The following RPUSD3 variants were observed in gnomAD, a reference collection of about 807,000 sequenced individuals.
RPUSD3 encodes the protein mitochondrial mRNA pseudouridine synthase RPUSD3.
RPUSD3 carries 36 observed loss-of-function variants against 35.1 expected under a neutral mutation model. The ratio of observed to expected loss-of-function variants is 1.02; its 90% CI spans 0.79 to 1.35. The LOEUF is 1.35. Among genes scored for constraint, RPUSD3 ranks in the 40% most tolerant of loss-of-function variants. The probability of loss-of-function intolerance (pLI) is 0.00; values close to 1 mark genes in which losing one functional copy is unlikely to be tolerated. For synonymous variants in RPUSD3, 202 were observed against 187.8 expected, an observed-to-expected ratio of 1.08 and a Z score of -0.62; for missense variants, 486 against 441.9, an observed-to-expected ratio of 1.10 and a Z score of -0.89.
intron 8 of RPUSD3, 124 bp downstream of exon 8, chr3:9,838,908 C>T: frequency 7.4e-7 from 1 of 1,346,230 alleles, no homozygotes; most frequent in Non-Finnish European, 1.0e-6. Context: ...ACGGATACAG[C>T]CTTGGGAGCC....
At chr3:9,838,948 TG>T (rs1262190265) in intron 8 of RPUSD3, 83 bp downstream of exon 8, 2 of 1,595,946 alleles carry the variant, frequency 1.3e-6, no homozygotes, top group African/African-American at 2.7e-5. Context: ...AGTCCCAAGC[TG>T]CACAGATAAG....
intron 4 of RPUSD3, 55 bp downstream of exon 4, chr3:9,841,928 C>G: frequency 1.4e-6 from 2 of 1,433,960 alleles, no homozygotes; most frequent in Non-Finnish European, 1.9e-6. Flanking sequence ...GCAGCTGTTT[C>G]CCCACCACAG....
rs776583535 is a variant in RPUSD3 at position 9,839,095 on chromosome 3, A to G, written c.801T>C (p.Arg267=). The change falls in exon 8 of 9, where the codon CGT becomes CGC. Residue 267 remains arginine (R), a synonymous_variant. Transcript: ENST00000383820. Reference sequence around the variant, plus strand: ...ATCGCTGGCCCAGGACAGTGCCCACACGGGCAGAGTACATGTGGTCCCCAA... The same window carrying G: ...ATCGCTGGCCCAGGACAGTGCCCACGCGGGCAGAGTACATGTGGTCCCCAA... The G allele has an allele frequency of 3.1e-6, 5 of 1,614,208 alleles. No homozygotes were observed. The Admixed American group carries it at 8.3e-5, about 27-fold the overall frequency.
chr3:9,843,149 C>T (rs984568209), intron 2 of RPUSD3: 4 of 342,788 alleles, frequency 1.2e-5, no homozygotes, highest in Non-Finnish European at 1.6e-5. Context: ...GCGTCAGCAC[C>T]CTAAAGTGCC....
rs753474161 is a variant in RPUSD3, at chr3:9,837,970, C to T, written c.*46G>A. 2.0e-6 allele frequency: 3 copies of T among 1,507,264 alleles called. No homozygotes were observed. The African/African-American group carries it at 4.2e-5, about 21-fold the overall frequency. The allele number at this position is 1,507,264 out of a possible 1,614,324, so 93.4% of individuals were successfully genotyped here. A position where few individuals can be genotyped will look rare whatever the true frequency, so the allele number is the denominator to read the frequency against. The stretch of plus-strand genomic sequence containing the variant: ...GGTTTGTCTGACTGCAGAGCCCCCA[C>T]CCTCACTTTCCAGTGTGTGTGAGGG... On this transcript the variant is annotated 3_prime_UTR_variant, in exon 9 of 9. Coordinates refer to ENST00000383820, the Ensembl canonical transcript of RPUSD3.
exon 2 of RPUSD3, chr3:9,843,533 A>G (rs1426619857): frequency 9.9e-6 from 16 of 1,613,768 alleles, no homozygotes; most frequent in Non-Finnish European, 1.4e-5. Context: ...TTTTGGCAGC[A>G]GCCCCGCGAA....
intron 1 of RPUSD3, 47 bp from the exon 2 acceptor site, chr3:9,843,648 C>T: frequency 6.2e-7 from 1 of 1,602,642 alleles, no homozygotes; most frequent in Non-Finnish European, 8.5e-7. Context: ...TCCCGAGGTG[C>T]CACCCATTCC....
chr3:9,841,996 G>A lies in RPUSD3; in HGVS notation c.394C>T (p.Arg132Ter), dbSNP rs752085056. 5.0e-6 allele frequency: 8 copies of A among 1,613,746 alleles called. No individual in the cohort carries two copies. The highest frequency in any genetic ancestry group is 6.8e-6 in the Non-Finnish European group (8 of 1,179,906). ...CCTACCACTTACTTCCCAGATGCTC[G>A]GACAACCTGAAGCTCCTGCTCCCTG... Residue 132 changes from arginine (R) to a stop codon, truncating the protein, a stop_gained, in exon 4 of 9, where the codon CGA (arginine) becomes TGA (stop). Transcript: ENST00000383820. LOFTEE classifies it high-confidence loss of function.
At chr3:9,841,665 G>T (rs1178329292) in intron 4 of RPUSD3, 2 of 209,218 alleles carry the variant, frequency 9.6e-6, no homozygotes, top group Non-Finnish European at 1.9e-5. Context: ...CAGAGATGGG[G>T]TCTATTTTGC....
exon 2 of RPUSD3, chr3:9,843,491 A>T: frequency 6.2e-7 from 1 of 1,613,928 alleles, no homozygotes; most frequent in Non-Finnish European, 8.5e-7. Context: ...GGCTGCCCGC[A>T]GCGCATCAAC....
Position 9,842,190 on chromosome 3 carries a change from G to A in RPUSD3, c.307+9C>T, listed in dbSNP as rs372279609. On this transcript the variant is annotated intron_variant, in intron 3 of 8. Transcript: ENST00000383820. ...CGCTGCATTCCCTTCCCACATCCCC[G>A]GCCCATACCTGTCACTGGTAGACCC... The A allele has an allele frequency of 2.2e-5, 36 of 1,613,956 alleles. No individual in the cohort carries two copies. In the Admixed American group the frequency reaches 3.3e-4, roughly 15 times the overall value.
exon 9 of RPUSD3, chr3:9,838,142 C>T (rs1559233586): frequency 6.2e-7 from 1 of 1,612,300 alleles, no homozygotes; most frequent in African/African-American, 1.3e-5. Flanking sequence ...GGTGGAGGTG[C>T]AAGGGCAGCT....
intron 2 of RPUSD3, 114 bp downstream of exon 2, chr3:9,843,351 G>T: frequency 6.8e-7 from 1 of 1,478,520 alleles, no homozygotes. Flanking sequence ...CCCAGCTCAT[G>T]CTGCTAGTGG....
chr3:9,842,159 C>G (rs757252723), intron 3 of RPUSD3, 40 bp downstream of exon 3: 2 of 1,613,876 alleles, frequency 1.2e-6, no homozygotes, highest in Non-Finnish European at 1.7e-6. Flanking sequence ...TCACGAAACC[C>G]CCTTCCGCTG....
chr3:9,837,966 C>T, exon 9 of RPUSD3: 1 of 1,502,890 alleles, frequency 6.7e-7, no homozygotes, highest in Non-Finnish European at 8.9e-7. Flanking sequence ...CTGCAGAGCC[C>T]CCACCCTCAC....
At chr3:9,839,886 GTT>G (rs113216240) in intron 7 of RPUSD3, 177 of 190,126 alleles carry the variant, frequency 9.3e-4, no homozygotes, top group Middle Eastern at 6.1e-3. Flanking sequence ...CTCAAGTGCA[GTT>G]TTTTTTTTTT....
rs2082083359 is a variant in RPUSD3, at chr3:9,840,261, A to T, written c.647T>A (p.Val216Asp). Residue 216 changes from valine to aspartate, a missense_variant, in exon 7 of 9, where the codon GTC becomes GAC. Val to Asp is a radical substitution (Grantham distance 152, BLOSUM62 -3). Coordinates refer to ENST00000383820, the Ensembl canonical transcript of RPUSD3. ...ACGAAAGTGACTGAGAGTCTTCTTGACACCTTCCAGGATGTCCTTTCGGGA... is the reference window on the plus strand; with the variant it reads ...ACGAAAGTGACTGAGAGTCTTCTTGTCACCTTCCAGGATGTCCTTTCGGGA... The T allele has an allele frequency of 1.2e-6, 2 of 1,614,008 alleles. No homozygotes were observed. Among genetic ancestry groups the T allele is most frequent in the African/African-American group, 2.7e-5 (2 of 74,900 alleles).
chr3:9,840,641 A>T, intron 5 of RPUSD3, 25 bp from the exon 6 acceptor site: 2 of 1,612,126 alleles, frequency 1.2e-6, no homozygotes, highest in South Asian at 2.2e-5. Context: ...GGAGGAGGTC[A>T]CAGGGTGGCT....
At chr3:9,840,234 A>G (rs2082082885) in exon 7 of RPUSD3, 3 of 1,614,082 alleles carry the variant, frequency 1.9e-6, no homozygotes, top group Non-Finnish European at 1.7e-6. Context: ...TGTGGCTACC[A>G]CACGAAAGTG....
Sources: allele counts gnomAD v4.1 joint callset, GRCh38; gene constraint gnomAD v4.1.1; transcripts MANE v1.5; gene names NCBI Gene and HGNC (gene_info 2026-07-23, HGNC 2026-07-21).